SRBD1: variants seen among roughly 807,000 people sequenced by gnomAD.
SRBD1 encodes the protein S1 RNA binding domain 1, also known as S1 RNA-binding domain-containing protein 1.
SRBD1 carries 88 observed loss-of-function variants against 115.3 expected under a neutral mutation model. The observed-to-expected ratio is 0.76, with a 90% CI of 0.64 to 0.91. The LOEUF is 0.91. Among genes scored for constraint, SRBD1 ranks in the 40% least tolerant of loss-of-function variants. SRBD1 has a pLI of 0.00. For synonymous variants in SRBD1, 509 were observed against 407.7 expected (o/e 1.25, Z -2.99); for missense variants, 1,385 against 1,177.4 (o/e 1.18, Z -2.58).
intron 14 of SRBD1, among the ~76,000 whole-genome samples, chr2:45,538,259 C>A (rs528759427): frequency 6.6e-6 from 1 of 152,246 alleles, no homozygotes; most frequent in Admixed American, 6.5e-5. Flanking sequence ...TGTATTTGGG[C>A]CACCCAGAGG....
At chr2:45,489,874 A>C (rs992879962) in intron 14 of SRBD1, among the ~76,000 whole-genome samples, 1 of 152,118 alleles carries the variant, frequency 6.6e-6, no homozygotes, top group African/African-American at 2.4e-5. Context: ...TTTGTGCCAA[A>C]CAACCAACGC....
chr2:45,535,054 A>T (rs940964543), intron 14 of SRBD1, among the ~76,000 whole-genome samples: 1 of 151,944 alleles, frequency 6.6e-6, no homozygotes, highest in African/African-American at 2.4e-5. Flanking sequence ...TCTTTCAAAA[A>T]CTTTTTTGGT....
chr2:45,477,629 A>T (rs1252657151), intron 15 of SRBD1, among the ~76,000 whole-genome samples: 2 of 152,152 alleles, frequency 1.3e-5, no homozygotes, highest in East Asian at 3.9e-4. Context: ...AGTTCACTGC[A>T]GCTTTGAACT....
chr2:45,574,572 G>T, intron 8 of SRBD1, 55 bp downstream of exon 8: 3 of 1,515,630 alleles, frequency 2.0e-6, no homozygotes, highest in South Asian at 1.2e-5. Flanking sequence ...CTAACCGTGT[G>T]ACCCTTAACA....
intron 19 of SRBD1, 47 bp downstream of exon 19, chr2:45,413,063 TAAAG>T (rs1300183607): frequency 6.4e-7 from 1 of 1,552,226 alleles, no homozygotes; most frequent in Non-Finnish European, 8.7e-7. Context: ...CCATTTGCTG[TAAAG>T]AACTCACTCT....
chr2:45,477,090 T>C lies in SRBD1; in HGVS notation c.1967-15A>G. On this transcript the variant is annotated splice_polypyrimidine_tract_variant and intron_variant, in intron 15 of 20. Coordinates refer to ENST00000263736, the MANE Select transcript of SRBD1 (RefSeq NM_018079.5). Reference sequence around the variant, plus strand: ...TGCTATGGAAACTGAAAAAACAGAATCAGAAAACAAGTATGACTTAATGTG... The same window carrying C: ...TGCTATGGAAACTGAAAAAACAGAACCAGAAAACAAGTATGACTTAATGTG... 6.2e-7 allele frequency: 1 copy of C among 1,608,866 alleles called. No homozygotes were observed.
intron 16 of SRBD1, among the ~76,000 whole-genome samples, chr2:45,452,862 C>T (rs1669036161): frequency 6.6e-6 from 1 of 151,892 alleles, no homozygotes; most frequent in South Asian, 2.1e-4. Context: ...ATTACAAATG[C>T]AAATGGTTAA....
In SRBD1 at chr2:45,447,622, C is replaced by G. The variant is rs146346731; in HGVS notation, c.2050-27728G>C. ...AATCTCCCAAATTGGTTTCTTTTGC[C>G]AAAATAGAACCAAAAGGTAAACCAA... On this transcript the variant is annotated intron_variant, in intron 16 of 20. Coordinates refer to ENST00000263736, the MANE Select transcript of SRBD1 (RefSeq NM_018079.5). 147 of 152,004 alleles carry G rather than the reference C, an allele frequency of 9.7e-4. 1 individual carries two copies. Among genetic ancestry groups the G allele is most frequent in the African/African-American group, 3.5e-3 (146 of 41,430 alleles). The allele number at this position is 152,004 out of a possible 1,614,324, so 9.4% of individuals were successfully genotyped here.
chr2:45,466,022 G>T (rs72616986), intron 16 of SRBD1, among the ~76,000 whole-genome samples: 6,724 of 152,198 alleles, frequency 0.044, 298 homozygotes, highest in East Asian at 0.13. Context: ...TATCTACCAT[G>T]TGCCAGGTCC....
intron 9 of SRBD1, chr2:45,568,036 G>C (rs1672889510): frequency 6.6e-6 from 1 of 151,684 alleles, no homozygotes; most frequent in African/African-American, 2.4e-5. Context: ...GTGAGTAGTG[G>C]GTTAAAGCGG....
chr2:45,481,415 T>C (rs1163416461), intron 15 of SRBD1, among the ~76,000 whole-genome samples: 1 of 151,886 alleles, frequency 6.6e-6, no homozygotes, highest in Non-Finnish European at 1.5e-5. Context: ...GTCTAATGAA[T>C]TGCTGATAAA....
chr2:45,554,876 A>C (rs1672423448), intron 10 of SRBD1, among the ~76,000 whole-genome samples: 1 of 152,148 alleles, frequency 6.6e-6, no homozygotes, highest in South Asian at 2.1e-4. Flanking sequence ...ATAGGTAACA[A>C]CCTGAACATT....
intron 11 of SRBD1, 77 bp from the exon 12 acceptor site, chr2:45,551,359 G>A: frequency 7.4e-7 from 1 of 1,357,978 alleles, no homozygotes. Flanking sequence ...AATTCATTTT[G>A]TACAATTATT....
At chr2:45,492,529 C>G (rs917159508) in intron 14 of SRBD1, among the ~76,000 whole-genome samples, 13 of 152,276 alleles carry the variant, frequency 8.5e-5, no homozygotes, top group South Asian at 2.1e-4. Flanking sequence ...AGCTCCACCT[C>G]CCGGGTTCAC....
intron 15 of SRBD1, among the ~76,000 whole-genome samples, chr2:45,487,694 A>T (rs1463452521): frequency 6.6e-6 from 1 of 152,088 alleles, no homozygotes; most frequent in Non-Finnish European, 1.5e-5. Flanking sequence ...TTGCTCTGTC[A>T]CCCAGGCTGG....
At chr2:45,419,687 T>C (rs1376520511) in intron 17 of SRBD1, 101 bp downstream of exon 17, 8 of 970,270 alleles carry the variant, frequency 8.2e-6, no homozygotes, top group Non-Finnish European at 1.3e-5. Context: ...CGTTCTCTAC[T>C]TGACAACTTT....
At chr2:45,580,322 A>C (rs1438519925) in intron 6 of SRBD1, among the ~76,000 whole-genome samples, 2 of 152,064 alleles carry the variant, frequency 1.3e-5, no homozygotes, top group Non-Finnish European at 2.9e-5. Flanking sequence ...TGTTCTACAC[A>C]TAATTCTACT....
At chr2:45,484,605 T>C (rs1412948656) in intron 15 of SRBD1, among the ~76,000 whole-genome samples, 3 of 152,160 alleles carry the variant, frequency 2.0e-5, no homozygotes, top group East Asian at 1.9e-4. Flanking sequence ...TCCCATAACA[T>C]ATAATTAACT....
chr2:45,532,363 T>C (rs550947771), intron 14 of SRBD1, among the ~76,000 whole-genome samples: 1 of 151,972 alleles, frequency 6.6e-6, no homozygotes, highest in South Asian at 2.1e-4. Context: ...CTATCTTTCA[T>C]GTACCTCTTT....
Sources: allele counts gnomAD v4.1 joint callset (sites outside exome capture counted in the v4.1 genomes callset), GRCh38; gene constraint gnomAD v4.1.1; transcripts MANE v1.5; gene names NCBI Gene and HGNC (gene_info 2026-07-23, HGNC 2026-07-21).